MED13: variants seen among roughly 807,000 people sequenced by gnomAD.
The protein encoded by MED13 is mediator complex subunit 13, also known as mediator of RNA polymerase II transcription subunit 13.
Under a neutral mutation model 225.2 loss-of-function variants are expected in MED13, and 23 were observed. That is an observed-to-expected ratio of 0.10 (90% CI 0.07 to 0.14). The LOEUF (loss-of-function observed/expected upper bound fraction) is 0.14. Ranked by LOEUF, MED13 falls within the 10% of genes least tolerant of loss-of-function variation. The pLI, the probability that MED13 is intolerant of heterozygous loss-of-function variation, is 1.00. For missense variants in MED13, 2,197 were observed against 2,594.5 expected (o/e 0.85, Z 3.33); for synonymous variants, 942 against 889.2 (o/e 1.06, Z -1.06).
chr17:62,021,526 C>T (rs1211245168), intron 8 of MED13, among the ~76,000 whole-genome samples: 1 of 152,204 alleles, frequency 6.6e-6, no homozygotes, highest in African/African-American at 2.4e-5. Context: ...CCGGACGGGG[C>T]GAGCAGCCTG....
Position 61,951,017 on chromosome 17 carries a change from A to G in MED13, c.6118-19T>C, listed in dbSNP as rs763565672. On this transcript the variant is annotated intron_variant, in intron 27 of 29. Transcript: ENST00000397786. Reference sequence around the variant, plus strand: ...TCTGACCCTTAAAAAGACAAAATTAAAAGTATATTAGTTCACTCAGTGTAA... The same window carrying G: ...TCTGACCCTTAAAAAGACAAAATTAGAAGTATATTAGTTCACTCAGTGTAA... The G allele has an allele frequency of 6.3e-7, 1 of 1,599,112 alleles. No homozygotes were observed. Among genetic ancestry groups the G allele is most frequent in the East Asian group, 2.2e-5 (1 of 44,576 alleles).
intron 8 of MED13, among the ~76,000 whole-genome samples, chr17:62,020,438 A>G (rs9747976): frequency 0.38 from 57,419 of 151,744 alleles, 13,445 homozygotes; most frequent in East Asian, 0.72. Context: ...GTGCAGTGGC[A>G]CGATCTCGGC....
In MED13 at chr17:61,961,609, T is replaced by C. The variant is rs769706861; in HGVS notation, c.5235A>G (p.Glu1745=). The change falls in exon 22 of 30, where the codon GAA becomes GAG. Residue 1745 remains glutamate, a synonymous_variant. Transcript: ENST00000397786. ...LTGFGPGLAM[E]TALRSPDRPE... ...TTACATCAGGACTTCTAAGGGCAGTTTCCATGGCTAAACCTGGACCAAAGC... is the reference window on the plus strand; with the variant it reads ...TTACATCAGGACTTCTAAGGGCAGTCTCCATGGCTAAACCTGGACCAAAGC... 18 of 1,613,856 alleles carry C rather than the reference T, an allele frequency of 1.1e-5. No individual in the cohort carries two copies. In the Admixed American group the frequency reaches 2.8e-4, roughly 25 times the overall value.
chr17:62,047,046 TTAA>T (rs1034662850), intron 3 of MED13, among the ~76,000 whole-genome samples: 22 of 151,328 alleles, frequency 1.5e-4, no homozygotes, highest in African/African-American at 5.1e-4. Context: ...TTTTTTTTTT[TTAA>T]AGAGACGGGG....
At chr17:62,002,270 A>G (rs1318636218) in intron 9 of MED13, among the ~76,000 whole-genome samples, 2 of 152,132 alleles carry the variant, frequency 1.3e-5, no homozygotes, top group Non-Finnish European at 2.9e-5. Context: ...TGGGCGGATC[A>G]CCTGAGGTAG....
chr17:62,040,758 A>C (rs9908352), intron 3 of MED13, among the ~76,000 whole-genome samples: 56,338 of 152,028 alleles, frequency 0.37, 12,662 homozygotes, highest in East Asian at 0.72. Flanking sequence ...AAATGATATA[A>C]AAATGGCCGA....
Position 62,057,916 on chromosome 17 carries a change from C to T in MED13, c.301+5151G>A, listed in dbSNP as rs542717392. On this transcript the variant is annotated intron_variant, in intron 2 of 29. Coordinates refer to ENST00000397786, the MANE Select transcript of MED13 (RefSeq NM_005121.3). ...TTTTAAGATGACAAATGGGAGAGGACGCAGTGTTTGCTTTTATTTTTATTT... is the reference window on the plus strand; with the variant it reads ...TTTTAAGATGACAAATGGGAGAGGATGCAGTGTTTGCTTTTATTTTTATTT... Among the ~76,000 whole-genome samples the T allele has an allele frequency of 1.7e-3, 258 of 152,038 alleles. 1 individual carries two copies. Among genetic ancestry groups the T allele is most frequent in the African/African-American group, 5.3e-3 (218 of 41,444 alleles).
chr17:61,951,040 T>C, intron 27 of MED13, 42 bp from the exon 28 acceptor site: 2 of 1,495,514 alleles, frequency 1.3e-6, no homozygotes, highest in South Asian at 1.2e-5. Context: ...TCACTCAGTG[T>C]AACTAAGTAC....
At chr17:62,033,705 G>C in intron 5 of MED13, 82 bp downstream of exon 5, 1 of 1,313,830 alleles carries the variant, frequency 7.6e-7, no homozygotes, top group Non-Finnish European at 1.1e-6. Context: ...TGAGTTATTA[G>C]ACTTGTTTGT....
At chr17:61,956,632 C>A in intron 23 of MED13, 151 bp from the exon 24 acceptor site, 1 of 668,608 alleles carries the variant, frequency 1.5e-6, no homozygotes, top group Non-Finnish European at 2.4e-6. Flanking sequence ...TCCACCTTCA[C>A]GGGTTTAAGT....
In MED13 at chr17:61,984,207, A is replaced by T. The variant is rs376656474; in HGVS notation, c.2852T>A (p.Leu951His). The T allele has an allele frequency of 1.9e-5, 31 of 1,602,408 alleles. No individual in the cohort carries two copies. Among genetic ancestry groups the T allele is most frequent in the Non-Finnish European group, 2.6e-5 (31 of 1,175,626 alleles). ...QSWTVGKLEL[L>H]SSGPSMPFIK... ...GAATGGCATTGAAGGCCCTGAAGAA[A>T]GCAATTCCAATTTTCCAACAGTCCA... The change falls in exon 15 of 30, where the codon CTT (leucine) becomes CAT (histidine). Residue 951 changes from leucine (L) to histidine (H), a missense_variant. Coordinates refer to ENST00000397786, the MANE Select transcript of MED13 (RefSeq NM_005121.3).
intron 9 of MED13, among the ~76,000 whole-genome samples, chr17:61,996,839 G>A (rs1293292893): frequency 1.3e-5 from 2 of 152,162 alleles, no homozygotes; most frequent in Admixed American, 1.3e-4. Context: ...CACAAGGACA[G>A]GGGTCTAACC....
intron 23 of MED13, among the ~76,000 whole-genome samples, chr17:61,957,078 ACT>A (rs1370073098): frequency 1.3e-5 from 2 of 151,724 alleles, no homozygotes; most frequent in Non-Finnish European, 2.9e-5. Context: ...ATGGAGTCTC[ACT>A]CTGTCGCCCA....
chr17:61,955,340 G>T, intron 26 of MED13, 42 bp downstream of exon 26: 1 of 1,398,674 alleles, frequency 7.1e-7, no homozygotes, highest in Non-Finnish European at 9.5e-7. Flanking sequence ...ATTTATTTTG[G>T]GGGGTATTCT....
chr17:61,958,630 C>A (rs189543070), intron 23 of MED13, among the ~76,000 whole-genome samples: 1 of 152,102 alleles, frequency 6.6e-6, no homozygotes, highest in Admixed American at 6.5e-5. Context: ...AGCCACCATG[C>A]GAGGCCTAAT....
At chr17:62,024,383 C>A (rs929192797) in intron 8 of MED13, among the ~76,000 whole-genome samples, 4 of 152,160 alleles carry the variant, frequency 2.6e-5, no homozygotes, top group Non-Finnish European at 5.9e-5. Flanking sequence ...CCTGTGTTGC[C>A]AACATGCATA....
chr17:61,987,420 C>T (rs1197117518), intron 11 of MED13, among the ~76,000 whole-genome samples: 2 of 151,844 alleles, frequency 1.3e-5, no homozygotes, highest in South Asian at 2.1e-4. Context: ...GGAGACAGAG[C>T]GAGACTCCAT....
In MED13 at chr17:61,962,772, T is replaced by C. The variant is rs750764904; in HGVS notation, c.5044A>G (p.Lys1682Glu). ...CTTACCTGTACAGAAACAGTACTCTTGATATGAGGAGGAAGAGTCTGGACC... is the reference window on the plus strand; with the variant it reads ...CTTACCTGTACAGAAACAGTACTCTCGATATGAGGAGGAAGAGTCTGGACC... ...EMVQTLPPHI[K>E]STVSVQIIPC... The change falls in exon 21 of 30, where the codon AAG becomes GAG. Residue 1682 changes from lysine to glutamate, a missense_variant. By Grantham distance (56) the Lys-to-Glu change is moderately conservative. Coordinates refer to ENST00000397786, the MANE Select transcript of MED13 (RefSeq NM_005121.3). The C allele has an allele frequency of 6.2e-7, 1 of 1,614,036 alleles. No homozygotes were observed.
chr17:62,008,614 T>C (rs1228275997), intron 9 of MED13, among the ~76,000 whole-genome samples: 1 of 151,980 alleles, frequency 6.6e-6, no homozygotes, highest in African/African-American at 2.4e-5. Context: ...AATCCAAGCA[T>C]GAGGGCAAAA....
Sources: allele counts gnomAD v4.1 joint callset (sites outside exome capture counted in the v4.1 genomes callset), GRCh38; gene constraint gnomAD v4.1.1; transcripts MANE v1.5; gene names NCBI Gene and HGNC (gene_info 2026-07-23, HGNC 2026-07-21).